The following MSI2 variants were observed in gnomAD, a reference collection of about 807,000 sequenced individuals.
The protein encoded by MSI2 is musashi RNA binding protein 2.
A neutral mutation model predicts 45.6 loss-of-function variants in MSI2; 17 were observed. That is an observed-to-expected ratio of 0.37 (90% CI 0.26 to 0.56). The LOEUF is 0.56. MSI2 is among the 20% of genes least tolerant of loss of function. The pLI is 0.77. For missense variants in MSI2, 293 were observed against 444.2 expected, an observed-to-expected ratio of 0.66 and a Z score of 3.06; for synonymous variants, 156 against 158.2, an observed-to-expected ratio of 0.99 and a Z score of 0.11.
In MSI2 at chr17:57,411,873, G is replaced by A. The variant is rs530986162; in HGVS notation, c.405+10402G>A. Among the ~76,000 whole-genome samples, 289 of 152,110 alleles carry A rather than the reference G, an allele frequency of 1.9e-3. 1 individual carries two copies. Among genetic ancestry groups the A allele is most frequent in the Middle Eastern group, 6.8e-3 (2 of 294 alleles). On this transcript the variant is annotated intron_variant, in intron 6 of 13. Coordinates refer to ENST00000284073, the MANE Select transcript of MSI2 (RefSeq NM_138962.4). ...AATACAAAAATTAGCAGGGTGTGGT[G>A]GCGGGCGCTTGTAATCCCAGCTACT...
rs549732204 is a variant in MSI2, at chr17:57,442,833, G to A, written c.405+41362G>A. Among the ~76,000 whole-genome samples, 10 of 152,326 alleles carry A rather than the reference G, an allele frequency of 6.6e-5. No homozygotes were observed. In the East Asian group the frequency reaches 1.9e-3, roughly 29 times the overall value. On this transcript the variant is annotated intron_variant, in intron 6 of 13. Transcript: ENST00000284073. ...GCCTGGGATACCTCTGGCAGACAGT[G>A]CTGGAAATTTAATGCTCCTTGAAAC... is the stretch of plus-strand genomic sequence containing the variant.
At chr17:57,564,144 G>A (rs1267558696) in intron 7 of MSI2, among the ~76,000 whole-genome samples, 3 of 152,202 alleles carry the variant, frequency 2.0e-5, no homozygotes, top group Non-Finnish European at 4.4e-5. Context: ...TGTGAAGGGC[G>A]TGCCATGTGT....
chr17:57,548,902 C>CA (rs1361208426), intron 7 of MSI2, among the ~76,000 whole-genome samples: 1 of 103,960 alleles, frequency 9.6e-6, no homozygotes, highest in Non-Finnish European at 1.9e-5. Context: ...TACCCTTCCC[C>CA]CCCCCACCCC....
At chr17:57,663,126 G>A (rs574164736) in intron 11 of MSI2, among the ~76,000 whole-genome samples, 5 of 152,162 alleles carry the variant, frequency 3.3e-5, no homozygotes, top group African/African-American at 1.2e-4. Flanking sequence ...GGCTGGGAGG[G>A]GATTGGCTGC....
At chr17:57,651,159 G>A (rs1337694345) in intron 10 of MSI2, among the ~76,000 whole-genome samples, 2 of 152,130 alleles carry the variant, frequency 1.3e-5, no homozygotes, top group Non-Finnish European at 2.9e-5. Context: ...TAGGGAACAT[G>A]GCATACTTCA....
intron 7 of MSI2, among the ~76,000 whole-genome samples, chr17:57,589,247 A>G (rs1258126987): frequency 6.6e-6 from 1 of 152,202 alleles, no homozygotes. Context: ...AAGCCAAAGT[A>G]TTGTGCAGTG....
At chr17:57,508,889 A>G (rs2086292404) in intron 6 of MSI2, among the ~76,000 whole-genome samples, 1 of 152,208 alleles carries the variant, frequency 6.6e-6, no homozygotes, top group Non-Finnish European at 1.5e-5. Context: ...CAGAGGCCAC[A>G]AGGCTGTTCC....
At chr17:57,545,144 T>TC (rs2087135184) in intron 7 of MSI2, among the ~76,000 whole-genome samples, 1 of 151,920 alleles carries the variant, frequency 6.6e-6, no homozygotes, top group South Asian at 2.1e-4. Context: ...TAGCAGATTT[T>TC]CCCCCCTCTG....
chr17:57,590,285 C>A (rs561844585), intron 7 of MSI2, among the ~76,000 whole-genome samples: 2 of 152,138 alleles, frequency 1.3e-5, no homozygotes, highest in Non-Finnish European at 2.9e-5. Flanking sequence ...TAGGAGGAGG[C>A]TGTTCCCATC....
intron 10 of MSI2, among the ~76,000 whole-genome samples, chr17:57,648,977 G>T (rs1008279820): frequency 6.6e-6 from 1 of 152,166 alleles, no homozygotes; most frequent in Non-Finnish European, 1.5e-5. Context: ...GTTTCCACCA[G>T]GGGCCTCCTG....
chr17:57,503,056 A>C (rs2086151588), intron 6 of MSI2, among the ~76,000 whole-genome samples: 1 of 151,940 alleles, frequency 6.6e-6, no homozygotes, highest in Admixed American at 6.6e-5. Flanking sequence ...TTTCCTTTTA[A>C]TTCATGCACA....
chr17:57,677,144 C>T (rs1913289756), intron 13 of MSI2, 85 bp downstream of exon 13: 4 of 914,472 alleles, frequency 4.4e-6, no homozygotes, highest in Non-Finnish European at 7.3e-6. Context: ...CGTGCGTGCC[C>T]CTGTCTCATC....
intron 6 of MSI2, among the ~76,000 whole-genome samples, chr17:57,455,358 A>G (rs1201595705): frequency 6.6e-6 from 1 of 152,150 alleles, no homozygotes; most frequent in Non-Finnish European, 1.5e-5. Flanking sequence ...AAGACTTGAA[A>G]TGGGGGGTTT....
chr17:57,394,955 C>T (rs1023428275), intron 5 of MSI2, among the ~76,000 whole-genome samples: 3 of 152,232 alleles, frequency 2.0e-5, no homozygotes, highest in Admixed American at 6.5e-5. Context: ...GAAATATAGT[C>T]TTTCATAGTT....
intron 6 of MSI2, among the ~76,000 whole-genome samples, chr17:57,421,194 A>G (rs2084388731): frequency 6.6e-6 from 1 of 151,998 alleles, no homozygotes; most frequent in Admixed American, 6.6e-5. Context: ...GGCTTCCTCC[A>G]CAGGTTAATG....
At chr17:57,442,695 C>G (rs1350081629) in intron 6 of MSI2, among the ~76,000 whole-genome samples, 2 of 152,140 alleles carry the variant, frequency 1.3e-5, no homozygotes, top group African/African-American at 4.8e-5. Context: ...CCCTGGAATG[C>G]CCAGAGAACA....
chr17:57,293,678 G>A (rs919824080), intron 5 of MSI2, among the ~76,000 whole-genome samples: 98 of 147,784 alleles, frequency 6.6e-4, no homozygotes, highest in Non-Finnish European at 1.1e-3. Context: ...GCGCAATCTC[G>A]GCTCACTGCA....
intron 6 of MSI2, among the ~76,000 whole-genome samples, chr17:57,425,782 A>G (rs758759092): frequency 6.6e-6 from 1 of 152,222 alleles, no homozygotes; most frequent in Admixed American, 6.5e-5. Context: ...GGAATTTACA[A>G]TAAGGAGATA....
chr17:57,319,670 A>G (rs955098007), intron 5 of MSI2, among the ~76,000 whole-genome samples: 2 of 152,126 alleles, frequency 1.3e-5, no homozygotes, highest in South Asian at 2.1e-4. Context: ...TGGAGTGCAG[A>G]GACACGATCA....
Sources: gnomAD v4.1 joint callset for allele counts (sites outside exome capture counted in the v4.1 genomes callset) on GRCh38, gnomAD v4.1.1 for gene constraint, MANE v1.5 for transcripts, NCBI Gene and HGNC (gene_info 2026-07-23, HGNC 2026-07-21) for gene names.